The following EYA2 variants were observed in gnomAD, a reference collection of about 807,000 sequenced individuals.
EYA2 encodes the protein protein phosphatase EYA2.
In EYA2, 31 loss-of-function variants were observed where a neutral mutation model predicts 69.2. The observed-to-expected ratio is 0.45, with a 90% CI of 0.34 to 0.60. The LOEUF (loss-of-function observed/expected upper bound fraction) is 0.60, where lower values mean the gene tolerates loss of function less well. Ranked by LOEUF, EYA2 falls within the 20% of genes least tolerant of loss-of-function variation. EYA2 has a pLI of 0.02. For missense variants in EYA2, 622 were observed against 701.2 expected (o/e 0.89, Z 1.28); for synonymous variants, 257 against 279.4 (o/e 0.92, Z 0.80).
At chr20:47,102,479 C>T (rs766868587) in intron 9 of EYA2, among the ~76,000 whole-genome samples, 6 of 152,228 alleles carry the variant, frequency 3.9e-5, no homozygotes, top group Non-Finnish European at 5.9e-5. Context: ...CAAGAACCAG[C>T]AGCACTTTGC....
chr20:47,014,960 C>G (rs1264456911), intron 4 of EYA2, among the ~76,000 whole-genome samples: 1 of 152,010 alleles, frequency 6.6e-6, no homozygotes, highest in Non-Finnish European at 1.5e-5. Context: ...GAAGAATAAT[C>G]ATTACCACAT....
intron 8 of EYA2, among the ~76,000 whole-genome samples, chr20:47,092,164 G>A (rs1030211202): frequency 1.1e-4 from 17 of 152,048 alleles, no homozygotes; most frequent in Non-Finnish European, 2.4e-4. Context: ...AGCTGGGGTC[G>A]GTTCTGATCA....
chr20:47,083,174 A>G (rs1427008260), intron 7 of EYA2, among the ~76,000 whole-genome samples: 1 of 152,242 alleles, frequency 6.6e-6, no homozygotes, highest in Non-Finnish European at 1.5e-5. Context: ...TGGATGACAG[A>G]GTAAGACCCT....
intron 13 of EYA2, 68 bp from the exon 14 acceptor site, chr20:47,180,747 A>C (rs546233900): frequency 1.9e-6 from 3 of 1,579,122 alleles, no homozygotes; most frequent in African/African-American, 1.3e-5. Context: ...CTGCAGGCTC[A>C]TGCAGCAAGA....
intron 7 of EYA2, among the ~76,000 whole-genome samples, chr20:47,076,240 T>C (rs1239062391): frequency 6.6e-6 from 1 of 152,232 alleles, no homozygotes; most frequent in Non-Finnish European, 1.5e-5. Context: ...CTGGTATATA[T>C]CCAAATGGTA....
At chr20:46,979,245 T>C (rs1980659769) in intron 1 of EYA2, among the ~76,000 whole-genome samples, 1 of 152,116 alleles carries the variant, frequency 6.6e-6, no homozygotes, top group East Asian at 1.9e-4. Context: ...AAGCTGCCCC[T>C]GCCCCCACCC....
At chr20:47,084,556 A>G (rs6012113) in intron 7 of EYA2, among the ~76,000 whole-genome samples, 29 of 152,332 alleles carry the variant, frequency 1.9e-4, no homozygotes, top group African/African-American at 6.7e-4. Context: ...AGAAATAAAA[A>G]TAAAGAAATG....
intron 9 of EYA2, among the ~76,000 whole-genome samples, chr20:47,098,371 G>A (rs1052070116): frequency 3.9e-5 from 6 of 152,198 alleles, no homozygotes; most frequent in Non-Finnish European, 7.3e-5. Context: ...CTAAGTCGTG[G>A]TGTTTTATGG....
At chr20:47,130,674 A>G (rs2033320879) in intron 9 of EYA2, among the ~76,000 whole-genome samples, 1 of 152,232 alleles carries the variant, frequency 6.6e-6, no homozygotes, top group African/African-American at 2.4e-5. Flanking sequence ...TTCTCATTTA[A>G]AAGGTTGCAT....
chr20:47,154,819 TTGTGTGTGTGTGTGTG>T (rs11472542), intron 10 of EYA2, among the ~76,000 whole-genome samples: 6 of 140,794 alleles, frequency 4.3e-5, no homozygotes, highest in Non-Finnish European at 6.1e-5. Flanking sequence ...TTATTTTGTT[TTGTGTGTGTGTGTGTG>T]TGTGTGTGTG....
chr20:47,104,985 C>A lies in EYA2; in HGVS notation c.888+7817C>A, dbSNP rs77700142. 4.4e-3 allele frequency among the ~76,000 whole-genome samples: 665 copies of A among 152,260 alleles called. 2 individuals carry two copies. The highest frequency in any genetic ancestry group is 6.4e-3 in the Non-Finnish European group (432 of 68,022). ...GCAGTGAACCAAGATCATGCCATTGCACTCCAGCCTGGGCGACAGAGCCAG... is the reference window on the plus strand; with the variant it reads ...GCAGTGAACCAAGATCATGCCATTGAACTCCAGCCTGGGCGACAGAGCCAG... On this transcript the variant is annotated intron_variant, in intron 9 of 15. Transcript: ENST00000327619.
chr20:46,999,624 C>T (rs1982232652), intron 2 of EYA2, among the ~76,000 whole-genome samples: 2 of 152,206 alleles, frequency 1.3e-5, no homozygotes, highest in African/African-American at 4.8e-5. Context: ...GGCAATTCTC[C>T]TTTTCTTAAT....
intron 9 of EYA2, among the ~76,000 whole-genome samples, chr20:47,101,396 T>A (rs1441313684): frequency 1.3e-5 from 2 of 152,188 alleles, no homozygotes; most frequent in African/African-American, 4.8e-5. Flanking sequence ...AAGCCCCACT[T>A]TTTTAAAGGC....
intron 5 of EYA2, among the ~76,000 whole-genome samples, chr20:47,042,078 C>T (rs1434147962): frequency 1.3e-5 from 2 of 152,072 alleles, no homozygotes; most frequent in East Asian, 3.8e-4. Flanking sequence ...AAGAGATTAG[C>T]GAGTGTGAAA....
intron 4 of EYA2, among the ~76,000 whole-genome samples, chr20:47,008,833 A>C (rs907304157): frequency 6.6e-6 from 1 of 152,164 alleles, no homozygotes; most frequent in African/African-American, 2.4e-5. Context: ...AGTAATACTA[A>C]GTCTACCCCT....
intron 12 of EYA2, among the ~76,000 whole-genome samples, chr20:47,174,140 A>G (rs2034383452): frequency 2.0e-5 from 3 of 152,202 alleles, no homozygotes; most frequent in Non-Finnish European, 2.9e-5. Flanking sequence ...CCACTGGCCC[A>G]TAAGGGCAGG....
chr20:47,182,769 C>G (rs1156478966), intron 14 of EYA2, among the ~76,000 whole-genome samples: 1 of 151,940 alleles, frequency 6.6e-6, no homozygotes, highest in Non-Finnish European at 1.5e-5. Context: ...AGCCCCATCT[C>G]TACTAAAAAA....
Position 47,001,473 on chromosome 20 carries a change from G to A in EYA2, c.155G>A (p.Arg52Lys). Residue 52 changes from arginine (R) to lysine (K), a missense_variant and splice_region_variant, in exon 3 of 16, where the codon AGA becomes AAA. Transcript: ENST00000327619. ...CTGAGAGTGTCCCAGCTCTTCTCCAGGTGAGTGCCATTCACTTGTCTCCTG... is the reference window on the plus strand; with the variant it reads ...CTGAGAGTGTCCCAGCTCTTCTCCAAGTGAGTGCCATTCACTTGTCTCCTG... ...APLRVSQLFS[R>K]SCPRVLPRQP... 6.2e-7 allele frequency: 1 copy of A among 1,614,084 alleles called. No individual in the cohort carries two copies. The highest frequency in any genetic ancestry group is 8.5e-7 in the Non-Finnish European group (1 of 1,179,956).
chr20:47,145,024 A>G (rs964591190), intron 10 of EYA2, among the ~76,000 whole-genome samples: 2 of 152,236 alleles, frequency 1.3e-5, no homozygotes, highest in African/African-American at 4.8e-5. Flanking sequence ...TGAAAAGTCC[A>G]GGGTTGTTTT....
Sources: gnomAD v4.1 joint callset for allele counts (sites outside exome capture counted in the v4.1 genomes callset) on GRCh38, gnomAD v4.1.1 for gene constraint, MANE v1.5 for transcripts, NCBI Gene and HGNC (gene_info 2026-07-23, HGNC 2026-07-21) for gene names.